Variants in PTBP2 observed in about 807,000 individuals in gnomAD.
The protein encoded by PTBP2 is polypyrimidine tract-binding protein 2.
Under a neutral mutation model 61.4 loss-of-function variants are expected in PTBP2, and 13 were observed. That is an observed-to-expected ratio of 0.21 (90% CI 0.14 to 0.34). The LOEUF is 0.34. Ranked by LOEUF, PTBP2 falls within the 10% of genes least tolerant of loss-of-function variation. The probability of loss-of-function intolerance (pLI) is 1.00; values close to 1 mark genes in which losing one functional copy is unlikely to be tolerated. For synonymous variants in PTBP2, 215 were observed against 218.5 expected (o/e 0.98, Z 0.14); for missense variants, 405 against 642.6 (o/e 0.63, Z 4.00).
chr1:96,762,525 C>A (rs1377652550), intron 3 of PTBP2, among the ~76,000 whole-genome samples: 6 of 140,748 alleles, frequency 4.3e-5, no homozygotes, highest in South Asian at 2.3e-4. Flanking sequence ...CCGGACGGGG[C>A]GGCTGGCCGG....
chr1:96,766,802 A>G (rs1656774528), intron 3 of PTBP2, among the ~76,000 whole-genome samples: 1 of 152,148 alleles, frequency 6.6e-6, no homozygotes, highest in Non-Finnish European at 1.5e-5. Context: ...CTTTGGGAGA[A>G]GAGGACAGAT....
intron 2 of PTBP2, among the ~76,000 whole-genome samples, chr1:96,746,491 T>C (rs981784442): frequency 6.6e-6 from 1 of 152,138 alleles, no homozygotes; most frequent in African/African-American, 2.4e-5. Flanking sequence ...AAATGCCTAT[T>C]TGTGTTTTTT....
Position 96,783,475 on chromosome 1 carries a change from T to C in PTBP2, c.709-1584T>C, listed in dbSNP as rs555356763. ...TAATTTGGCAGTCGGACCTCAGTAT[T>C]GCTGGGAAAGAATTCAACTCCTAAA... On this transcript the variant is annotated intron_variant, in intron 7 of 13. Transcript: ENST00000674951. Among the ~76,000 whole-genome samples the C allele has an allele frequency of 3.9e-5, 6 of 152,058 alleles. No individual in the cohort carries two copies. In the South Asian group the frequency reaches 1.2e-3, roughly 31 times the overall value.
At chr1:96,762,270 C>T (rs1174683621) in intron 3 of PTBP2, among the ~76,000 whole-genome samples, 9 of 149,288 alleles carry the variant, frequency 6.0e-5, no homozygotes, top group East Asian at 2.0e-4. Flanking sequence ...GGGTGGTGGC[C>T]GGGCAGAGGG....
chr1:96,753,568 G>A (rs1315399130), intron 3 of PTBP2, among the ~76,000 whole-genome samples: 4 of 151,858 alleles, frequency 2.6e-5, no homozygotes, highest in Non-Finnish European at 5.9e-5. Flanking sequence ...CAAGTGATGT[G>A]CAGAAGCAGG....
At chr1:96,786,649 T>C (rs1282345611) in intron 8 of PTBP2, among the ~76,000 whole-genome samples, 1 of 152,198 alleles carries the variant, frequency 6.6e-6, no homozygotes, top group East Asian at 1.9e-4. Flanking sequence ...GTCATATTCA[T>C]TCAGCTAGGC....
chr1:96,755,831 A>ATTCTCTTC (rs1655090697), intron 3 of PTBP2, among the ~76,000 whole-genome samples: 1 of 152,230 alleles, frequency 6.6e-6, no homozygotes, highest in Non-Finnish European at 1.5e-5. Flanking sequence ...AGAGTGGGAA[A>ATTCTCTTC]GGACAGGCAG....
intron 9 of PTBP2, among the ~76,000 whole-genome samples, chr1:96,806,137 C>T (rs1571019492): frequency 1.3e-5 from 2 of 152,108 alleles, no homozygotes; most frequent in Non-Finnish European, 2.9e-5. Context: ...CCTTCCCTTT[C>T]CTTGTCTTTT....
At chr1:96,762,945 G>A (rs1158813160) in intron 3 of PTBP2, among the ~76,000 whole-genome samples, 4 of 151,716 alleles carry the variant, frequency 2.6e-5, no homozygotes, top group East Asian at 2.0e-4. Flanking sequence ...CAGACGGGGC[G>A]GCGGGGCAGC....
intron 8 of PTBP2, 30 bp downstream of exon 8, chr1:96,785,284 C>CT: frequency 6.7e-7 from 1 of 1,491,536 alleles, no homozygotes; most frequent in Admixed American, 2.5e-5. Flanking sequence ...AACCACTTTT[C>CT]TCCCATTTTG....
chr1:96,746,196 AGGT>A (rs897313508), intron 2 of PTBP2, among the ~76,000 whole-genome samples: 10 of 152,180 alleles, frequency 6.6e-5, no homozygotes, highest in Non-Finnish European at 1.5e-4. Flanking sequence ...TTAAAGGTAT[AGGT>A]ATATATTACT....
chr1:96,761,792 G>C (rs1655910938), intron 3 of PTBP2, among the ~76,000 whole-genome samples: 1 of 152,144 alleles, frequency 6.6e-6, no homozygotes, highest in African/African-American at 2.4e-5. Context: ...CGCAGAGGGG[G>C]ATTTGGCAGG....
downstream of PTBP2, chr1:96,818,973 A>G (rs1182011184): frequency 1.3e-5 from 2 of 152,054 alleles, no homozygotes; most frequent in Non-Finnish European, 2.9e-5. Flanking sequence ...GCTATTATTC[A>G]TAAATTTAAA....
rs191144541 is a variant in PTBP2 at position 96,791,974 on chromosome 1, C to T, written c.904+6720C>T. 4.0e-3 allele frequency among the ~76,000 whole-genome samples: 602 copies of T among 151,790 alleles called. 9 individuals carry two copies. The highest frequency in any genetic ancestry group is 3.2e-3 in the Non-Finnish European group (220 of 67,928). On this transcript the variant is annotated intron_variant, in intron 8 of 13. Transcript: ENST00000674951. ...TCAGCCTCCCAAGTAGCTGGGACTACAGGCGCACGCCACCACGCCCAGCTA... is the reference window on the plus strand; with the variant it reads ...TCAGCCTCCCAAGTAGCTGGGACTATAGGCGCACGCCACCACGCCCAGCTA...
chr1:96,724,788 A>G (rs1006447316), intron 2 of PTBP2, among the ~76,000 whole-genome samples: 2 of 152,086 alleles, frequency 1.3e-5, no homozygotes, highest in Non-Finnish European at 2.9e-5. Flanking sequence ...GCACACCAAC[A>G]TGGCACATGT....
At chr1:96,769,675 A>G (rs370745002) in intron 3 of PTBP2, 28 bp from the exon 4 acceptor site, 71 of 1,475,550 alleles carry the variant, frequency 4.8e-5, no homozygotes, top group Non-Finnish European at 6.2e-5. Context: ...TTGTTGATAT[A>G]TAAGGACTGT....
At chr1:96,753,465 T>C (rs1248764003) in intron 3 of PTBP2, among the ~76,000 whole-genome samples, 3 of 151,938 alleles carry the variant, frequency 2.0e-5, no homozygotes, top group Non-Finnish European at 4.4e-5. Flanking sequence ...GTAATTTAGT[T>C]GCCTTCCAAA....
intron 11 of PTBP2, among the ~76,000 whole-genome samples, chr1:96,810,141 A>G (rs755589172): frequency 6.6e-6 from 1 of 152,152 alleles, no homozygotes; most frequent in African/African-American, 2.4e-5. Context: ...TTCGTTAATA[A>G]TCTCTTTCAT....
At chr1:96,774,939 G>T (rs1348586422) in intron 5 of PTBP2, among the ~76,000 whole-genome samples, 1 of 152,154 alleles carries the variant, frequency 6.6e-6, no homozygotes, top group Non-Finnish European at 1.5e-5. Context: ...CTTGATGTCA[G>T]TCGTTTGCTG....
Sources: gnomAD v4.1 joint callset for allele counts (sites outside exome capture counted in the v4.1 genomes callset) on GRCh38, gnomAD v4.1.1 for gene constraint, MANE v1.5 for transcripts, NCBI Gene and HGNC (gene_info 2026-07-23, HGNC 2026-07-21) for gene names.